Variants in AKAP12 observed in about 807,000 individuals in gnomAD.
AKAP12 encodes the protein A-kinase anchoring protein 12, also known as A-kinase anchor protein 12.
In AKAP12, 32 loss-of-function variants were observed where a neutral mutation model predicts 79.9. That is an observed-to-expected ratio of 0.40 (90% CI 0.30 to 0.54). AKAP12 has a LOEUF of 0.54. Ranked by LOEUF, AKAP12 falls within the 20% of genes least tolerant of loss-of-function variation. The pLI, the probability that AKAP12 is intolerant of heterozygous loss-of-function variation, is 0.48. For missense variants in AKAP12, 2,074 were observed against 2,177.0 expected, an observed-to-expected ratio of 0.95 and a Z score of 0.94; for synonymous variants, 808 against 857.0, an observed-to-expected ratio of 0.94 and a Z score of 1.00.
intron 2 of AKAP12, among the ~76,000 whole-genome samples, chr6:151,272,661 C>G (rs2114713384): frequency 6.6e-6 from 1 of 152,104 alleles, no homozygotes; most frequent in East Asian, 1.9e-4. Flanking sequence ...TCAGCCTCCC[C>G]AGTAGCTGGG....
rs534768401 is a variant in AKAP12, at chr6:151,352,382, T to A, written c.3991T>A (p.Ser1331Thr). The change falls in exon 4 of 5, where the codon TCC becomes ACC. Residue 1331 changes from serine (S) to threonine (T), a missense_variant. Physicochemically the swap from Ser to Thr is moderately conservative, Grantham distance 58. Transcript: ENST00000402676. The stretch of plus-strand genomic sequence containing the variant: ...GCAGAGTCACGCTAAGTCTCCTCCA[T>A]CCCCCGTGGAGAGAGAGATGGTAGT... The part of the protein sequence containing the change: ...ELQSHAKSPP[S>T]PVEREMVVQV... The A allele has an allele frequency of 1.9e-6, 3 of 1,613,862 alleles. No homozygotes were observed. Among genetic ancestry groups the A allele is most frequent in the Non-Finnish European group, 2.5e-6 (3 of 1,179,974 alleles).
chr6:151,312,808 A>AAAAAAAAAAAAAAAAAAAAC (rs1470972340), intron 3 of AKAP12, among the ~76,000 whole-genome samples: 1 of 151,306 alleles, frequency 6.6e-6, no homozygotes, highest in Non-Finnish European at 1.5e-5. Flanking sequence ...AAAAAAAAAA[A>AAAAAAAAAAAAAAAAAAAAC]AAAGAATCAT....
chr6:151,322,034 T>C (rs1457381950), intron 3 of AKAP12, among the ~76,000 whole-genome samples: 3 of 150,708 alleles, frequency 2.0e-5, no homozygotes, highest in Non-Finnish European at 4.4e-5. Flanking sequence ...TTCAGCCTCC[T>C]GAGTAGCTGG....
At chr6:151,345,895 A>ATGTGTGTGTGTGTGTGTG (rs367643775) in intron 3 of AKAP12, among the ~76,000 whole-genome samples, 1 of 128,876 alleles carries the variant, frequency 7.8e-6, no homozygotes, top group African/African-American at 3.2e-5. Context: ...GTGTGTGTAT[A>ATGTGTGTGTGTGTGTGTG]TGTGTGTGTG....
intron 3 of AKAP12, among the ~76,000 whole-genome samples, chr6:151,334,332 G>T (rs1331351623): frequency 6.6e-6 from 1 of 152,060 alleles, no homozygotes; most frequent in Non-Finnish European, 1.5e-5. Flanking sequence ...GGTGGCTCAC[G>T]CCTGTAATCC....
chr6:151,314,055 G>A (rs1777182281), intron 3 of AKAP12, among the ~76,000 whole-genome samples: 1 of 147,048 alleles, frequency 6.8e-6, no homozygotes, highest in Non-Finnish European at 1.5e-5. Context: ...CGGAGACAGA[G>A]TCTCCGAACT....
chr6:151,357,280 C>G lies in AKAP12; in HGVS notation c.*1566C>G, dbSNP rs1477845022. ...CTCAGCTCACCGCAACCTCCACCTC[C>G]CGGATTCCAGCGATTCTCCTGCCTC... On this transcript the variant is annotated 3_prime_UTR_variant, in exon 5 of 5. Transcript: ENST00000402676. The G allele has an allele frequency of 6.6e-6, 1 of 152,330 alleles. No individual in the cohort carries two copies. Among genetic ancestry groups the G allele is most frequent in the Non-Finnish European group, 1.5e-5 (1 of 68,182 alleles). 9.4% of individuals were successfully genotyped at this position (152,330 alleles called of 1,614,324 possible).
chr6:151,344,788 C>T (rs1488940571), intron 3 of AKAP12, among the ~76,000 whole-genome samples: 1 of 152,168 alleles, frequency 6.6e-6, no homozygotes, highest in Non-Finnish European at 1.5e-5. Context: ...CCTGCCTGGA[C>T]CTCCCAAAGT....
Position 151,295,075 on chromosome 6 carries a change from T to C in AKAP12, c.163-10672T>C, listed in dbSNP as rs116782296. ...GAGATAATGCGTGGTATGTTGGTGT[T>C]GATACACGCAGTATACTCATGCTCT... On this transcript the variant is annotated intron_variant, in intron 2 of 4. Coordinates refer to ENST00000402676, the MANE Select transcript of AKAP12 (RefSeq NM_005100.4). 4.1e-3 allele frequency among the ~76,000 whole-genome samples: 629 copies of C among 152,304 alleles called. 4 individuals carry two copies. The highest frequency in any genetic ancestry group is 0.014 in the African/African-American group (584 of 41,558).
chr6:151,266,330 C>T (rs1776015812), intron 2 of AKAP12, among the ~76,000 whole-genome samples: 1 of 152,002 alleles, frequency 6.6e-6, no homozygotes, highest in Admixed American at 6.6e-5. Context: ...TCTTTCACTA[C>T]TCCTATTTAA....
chr6:151,331,967 G>A (rs931920004), intron 3 of AKAP12, among the ~76,000 whole-genome samples: 1 of 148,842 alleles, frequency 6.7e-6, no homozygotes, highest in South Asian at 2.2e-4. Flanking sequence ...TGGGCTCAAC[G>A]ATCCTCCTGT....
chr6:151,345,893 A>ATGTGTGTGTG (rs1485991559), intron 3 of AKAP12, among the ~76,000 whole-genome samples: 1 of 82,350 alleles, frequency 1.2e-5, no homozygotes, highest in Admixed American at 1.3e-4. Context: ...ATGTGTGTGT[A>ATGTGTGTGTG]TATGTGTGTG....
At chr6:151,245,947 T>C (rs746311258) in intron 2 of AKAP12, among the ~76,000 whole-genome samples, 3 of 152,190 alleles carry the variant, frequency 2.0e-5, no homozygotes, top group Non-Finnish European at 4.4e-5. Flanking sequence ...ATTTAGGTTT[T>C]GGATGTCTTT....
At chr6:151,294,722 C>G (rs1456958288) in intron 2 of AKAP12, among the ~76,000 whole-genome samples, 1 of 152,156 alleles carries the variant, frequency 6.6e-6, no homozygotes, top group Non-Finnish European at 1.5e-5. Context: ...ATTTAGAGTG[C>G]TTTGTTTTCT....
chr6:151,348,801 A>T lies in AKAP12; in HGVS notation c.410A>T (p.Asp137Val). The T allele has an allele frequency of 6.2e-7, 1 of 1,613,844 alleles. No individual in the cohort carries two copies. Among genetic ancestry groups the T allele is most frequent in the Non-Finnish European group, 8.5e-7 (1 of 1,180,012 alleles). ...GCGGTTGTTCACGACATCACAGATG[A>T]TGGGCAGGAGGAGACACCCGAAATA... ...KSAVVHDITDDGQEETPEIIE... is the reference protein window; with the variant it reads ...KSAVVHDITDVGQEETPEIIE... Residue 137 changes from aspartate to valine, a missense_variant, in exon 4 of 5, where the codon GAT becomes GTT. Coordinates refer to ENST00000402676, the MANE Select transcript of AKAP12 (RefSeq NM_005100.4).
chr6:151,308,401 C>T (rs1400017737), intron 3 of AKAP12, among the ~76,000 whole-genome samples: 2 of 151,256 alleles, frequency 1.3e-5, no homozygotes, highest in African/African-American at 2.4e-5. Flanking sequence ...TCAGTAGAGA[C>T]AAGGTTTCAC....
intron 3 of AKAP12, among the ~76,000 whole-genome samples, chr6:151,323,368 C>T (rs1037996140): frequency 4.2e-4 from 64 of 152,180 alleles, no homozygotes; most frequent in East Asian, 3.9e-4. Context: ...CTGGCCAACA[C>T]GGTGAAACCC....
At chr6:151,243,282 T>C (rs1009012114) in intron 2 of AKAP12, among the ~76,000 whole-genome samples, 4 of 152,252 alleles carry the variant, frequency 2.6e-5, no homozygotes, top group African/African-American at 9.6e-5. Flanking sequence ...ACATCATTTT[T>C]CCCTCCTTGG....
intron 3 of AKAP12, chr6:151,341,588 A>T: frequency 3.5e-6 from 2 of 577,780 alleles, no homozygotes; most frequent in Non-Finnish European, 4.7e-6. Flanking sequence ...TTCGCGAGCT[A>T]TGGCAGCCGG....
Sources: allele counts gnomAD v4.1 joint callset (sites outside exome capture counted in the v4.1 genomes callset), GRCh38; gene constraint gnomAD v4.1.1; transcripts MANE v1.5; gene names NCBI Gene and HGNC (gene_info 2026-07-23, HGNC 2026-07-21).